L3MBTL2: variants seen among roughly 807,000 people sequenced by gnomAD.
The protein encoded by L3MBTL2 is lethal(3)malignant brain tumor-like protein 2.
L3MBTL2 carries 49 observed loss-of-function variants against 86.4 expected under a neutral mutation model. That is an observed-to-expected ratio of 0.57 (90% CI 0.45 to 0.72). The LOEUF is 0.72. L3MBTL2 is among the 30% of genes least tolerant of loss of function. L3MBTL2 has a pLI of 0.00. For missense variants in L3MBTL2, 755 were observed against 923.7 expected, an observed-to-expected ratio of 0.82 and a Z score of 2.37; for synonymous variants, 336 against 350.6, an observed-to-expected ratio of 0.96 and a Z score of 0.47.
chr22:41,221,481 C>G, intron 8 of L3MBTL2, 194 bp downstream of exon 8: 1 of 592,084 alleles, frequency 1.7e-6, no homozygotes, highest in Non-Finnish European at 3.1e-6. Context: ...GCGTCGGCCA[C>G]TGCCCCACCC....
At chr22:41,211,557 C>CTTTCTTTTTT (rs1039028243) in intron 2 of L3MBTL2, among the ~76,000 whole-genome samples, 1 of 97,392 alleles carries the variant, frequency 1.0e-5, no homozygotes, top group African/African-American at 4.3e-5. Context: ...ATCTTATTTC[C>CTTTCTTTTTT]TTTTTTTTTT....
chr22:41,225,158 C>G lies in L3MBTL2; in HGVS notation c.1356+87C>G. On this transcript the variant is annotated intron_variant, in intron 11 of 16. Coordinates refer to ENST00000216237, the MANE Select transcript of L3MBTL2 (RefSeq NM_031488.5). The surrounding 1 kb of genome is among the most constrained non-coding windows in gnomAD (Gnocchi z 4.1). ...GAGCTCTAACCCCACTCGCCACCGT[C>G]AGGGGGTCTGTGTCCCAGCCTCTCA... 9.6e-7 allele frequency: 1 copy of G among 1,041,006 alleles called. No individual in the cohort carries two copies. 64.5% of individuals were successfully genotyped at this position (1,041,006 alleles called of 1,614,324 possible). A position where few individuals can be genotyped will look rare whatever the true frequency, so the allele number is the denominator to read the frequency against.
intron 3 of L3MBTL2, among the ~76,000 whole-genome samples, chr22:41,215,714 GAACATTCGCCTATGTGGACCCTCTCCCA>G (rs2031295711): frequency 1.3e-5 from 2 of 150,676 alleles, no homozygotes; most frequent in South Asian, 2.1e-4. Flanking sequence ...ACCCTCTCCC[GAACATTCGCCTATGTGGACCCTCTCCCA>G]AACATTCGCG....
chr22:41,216,967 A>C, intron 4 of L3MBTL2, 156 bp from the exon 5 acceptor site: 1 of 605,814 alleles, frequency 1.7e-6, no homozygotes, highest in Non-Finnish European at 2.9e-6. Flanking sequence ...TGGATCAGGT[A>C]TGGGAGTGAA....
At position 41,220,857 on chromosome 22, in the gene L3MBTL2, T is replaced by G; in HGVS notation, c.842T>G (p.Val281Gly). 6.2e-7 allele frequency: 1 copy of G among 1,613,478 alleles called. No homozygotes were observed. The highest frequency in any genetic ancestry group is 8.5e-7 in the Non-Finnish European group (1 of 1,179,538). The change falls in exon 7 of 17, where the codon GTG (valine) becomes GGG (glycine). Residue 281 changes from valine (V) to glycine (G), a missense_variant. Transcript: ENST00000216237. ...TGTGCCATCAACAGCAAGATCCTAG[T>G]GCCCCCACGGAGTGAGTTGATGAGA... is the stretch of plus-strand genomic sequence containing the variant. ...GWCAINSKILVPPRTIHAKFT... is the reference protein window; with the variant it reads ...GWCAINSKILGPPRTIHAKFT...
chr22:41,219,573 T>C (rs375034729), intron 6 of L3MBTL2, 37 bp downstream of exon 6: 1 of 1,361,534 alleles, frequency 7.3e-7, no homozygotes, highest in African/African-American at 1.4e-5. Context: ...GGGATGTGTC[T>C]GCAGAGTGAC....
At chr22:41,221,592 T>C (rs1385108204) in intron 8 of L3MBTL2, among the ~76,000 whole-genome samples, 1 of 152,210 alleles carries the variant, frequency 6.6e-6, no homozygotes. Flanking sequence ...GTTCACTCAA[T>C]AGATTTTATT....
rs576366820 is a variant in L3MBTL2 at position 41,212,602 on chromosome 22, A to G, written c.263-1291A>G. On this transcript the variant is annotated intron_variant, in intron 2 of 16. Transcript: ENST00000216237. ...TAAAAGCTCCCCAGGTGGGTCTAAT[A>G]GTGAAGTCACGGGCCAGGCATGGTG... Among the ~76,000 whole-genome samples, 68 of 152,178 alleles carry G rather than the reference A, an allele frequency of 4.5e-4. No homozygotes were observed. The South Asian group carries it at 0.014, about 31-fold the overall frequency.
At chr22:41,228,437 C>G in intron 15 of L3MBTL2, 1 of 985,404 alleles carries the variant, frequency 1.0e-6, no homozygotes, top group South Asian at 4.7e-5. Context: ...AGAGCGGGAG[C>G]GGGCAAAGCC....
chr22:41,210,416 G>C (rs945104228), intron 2 of L3MBTL2, among the ~76,000 whole-genome samples: 1 of 152,062 alleles, frequency 6.6e-6, no homozygotes, highest in Non-Finnish European at 1.5e-5. Flanking sequence ...TGCAAGCTCT[G>C]CCTCCCGGGT....
At chr22:41,228,136 T>C in intron 15 of L3MBTL2, 1 of 985,426 alleles carries the variant, frequency 1.0e-6, no homozygotes, top group Non-Finnish European at 1.2e-6. Flanking sequence ...GGTAAGAGAT[T>C]GAGGTTGGGG....
chr22:41,226,302 G>A (rs1410554480), intron 12 of L3MBTL2, among the ~76,000 whole-genome samples: 2 of 152,208 alleles, frequency 1.3e-5, no homozygotes, highest in Admixed American at 6.5e-5. Flanking sequence ...GGGGCAGGGT[G>A]TGGCCACAAG....
rs1046373690 is a variant in L3MBTL2 at position 41,231,151 on chromosome 22, C to T, written c.*900C>T. ...ATGAAGAAACCATGCCTGGAGGGGC[C>T]GTGAACACAGAACCCTCAAGACAAG... On this transcript the variant is annotated 3_prime_UTR_variant, in exon 17 of 17. Coordinates refer to ENST00000216237, the MANE Select transcript of L3MBTL2 (RefSeq NM_031488.5). 21 of 152,142 alleles carry T rather than the reference C, an allele frequency of 1.4e-4. No individual in the cohort carries two copies. The highest frequency in any genetic ancestry group is 7.3e-5 in the Non-Finnish European group (5 of 68,044). The allele number at this position is 152,142 out of a possible 1,614,324, so 9.4% of individuals were successfully genotyped here. A position where few individuals can be genotyped will look rare whatever the true frequency, so the allele number is the denominator to read the frequency against.
chr22:41,223,214 C>A (rs2031953100), intron 8 of L3MBTL2, among the ~76,000 whole-genome samples: 1 of 152,212 alleles, frequency 6.6e-6, no homozygotes, highest in Non-Finnish European at 1.5e-5. Context: ...GAGACGCTTT[C>A]CTTCCTGGTG....
intron 2 of L3MBTL2, among the ~76,000 whole-genome samples, chr22:41,212,914 A>T (rs531617204): frequency 5.4e-5 from 8 of 147,260 alleles, no homozygotes; most frequent in Non-Finnish European, 1.2e-4. Flanking sequence ...AAAAAAGTGA[A>T]GTCACGATTA....
At chr22:41,221,153 A>AG (rs72574066) in intron 7 of L3MBTL2, 46 bp from the exon 8 acceptor site, 1 of 1,401,448 alleles carries the variant, frequency 7.1e-7, no homozygotes, top group Non-Finnish European at 9.4e-7. Context: ...CTGTCAGTGG[A>AG]GGTTTGTCAG....
intron 5 of L3MBTL2, chr22:41,218,996 G>A (rs116408592): frequency 0.017 from 2,658 of 159,372 alleles, 90 homozygotes; most frequent in African/African-American, 0.06. Context: ...GTAAACAAGG[G>A]GGTCATAATG....
Position 41,220,653 on chromosome 22 carries a change from G to A in L3MBTL2, c.719-81G>A, listed in dbSNP as rs555510083. On this transcript the variant is annotated intron_variant, in intron 6 of 16. Coordinates refer to ENST00000216237, the MANE Select transcript of L3MBTL2 (RefSeq NM_031488.5). ...AGCCTGGGCGACAGAGCAAGACTTC[G>A]TCTCAGAAAAAAAAAAAAAAAACAG... 257 of 1,388,504 alleles carry A rather than the reference G, an allele frequency of 1.9e-4. 2 individuals are homozygous for A. In the Admixed American group the frequency reaches 3.1e-3, roughly 17 times the overall value. 86.0% of individuals were successfully genotyped at this position (1,388,504 alleles called of 1,614,324 possible).
chr22:41,207,614 G>A (rs552847647), intron 1 of L3MBTL2, among the ~76,000 whole-genome samples: 1 of 152,202 alleles, frequency 6.6e-6, no homozygotes, highest in South Asian at 2.1e-4. Flanking sequence ...GTCATACAGC[G>A]AGTAAGCACT....
Sources: allele counts gnomAD v4.1 joint callset (sites outside exome capture counted in the v4.1 genomes callset), GRCh38; gene constraint gnomAD v4.1.1; non-coding constraint Gnocchi (gnomAD v3.1); transcripts MANE v1.5; gene names NCBI Gene and HGNC (gene_info 2026-07-23, HGNC 2026-07-21).